The following SUPT20H variants were observed in gnomAD, a reference collection of about 807,000 sequenced individuals.
SUPT20H encodes the protein transcription factor SPT20 homolog.
Under a neutral mutation model 122.8 loss-of-function variants are expected in SUPT20H, and 82 were observed. That is an observed-to-expected ratio of 0.67 (90% confidence interval 0.56 to 0.80). The LOEUF (loss-of-function observed/expected upper bound fraction) is 0.80. SUPT20H is among the 30% of genes least tolerant of loss of function. SUPT20H has a pLI of 0.00. For missense variants in SUPT20H, 831 were observed against 921.6 expected (o/e 0.90, Z 1.27); for synonymous variants, 291 against 313.0 (o/e 0.93, Z 0.74).
intron 5 of SUPT20H, among the ~76,000 whole-genome samples, chr13:37,045,643 A>G (rs2066291304): frequency 6.6e-6 from 1 of 152,182 alleles, no homozygotes; most frequent in Non-Finnish European, 1.5e-5. Flanking sequence ...CTTAAATATA[A>G]AACAAGTACT....
At chr13:37,025,573 C>A in intron 16 of SUPT20H, 136 bp from the exon 17 acceptor site, 1 of 603,510 alleles carries the variant, frequency 1.7e-6, no homozygotes, top group East Asian at 3.0e-5. Context: ...AAAAATTAGG[C>A]AATTTATCTT....
intron 2 of SUPT20H, among the ~76,000 whole-genome samples, chr13:37,050,778 C>A (rs2067511166): frequency 6.6e-6 from 1 of 152,138 alleles, no homozygotes; most frequent in Admixed American, 6.5e-5. Context: ...CACTGTGATA[C>A]TTCTACTTTT....
intron 1 of SUPT20H, among the ~76,000 whole-genome samples, chr13:37,054,043 A>T (rs2068356709): frequency 6.6e-6 from 1 of 152,224 alleles, no homozygotes; most frequent in Non-Finnish European, 1.5e-5. Flanking sequence ...TCCTCGACAC[A>T]TACACCCTCC....
chr13:37,050,800 G>T (rs2067518817), intron 2 of SUPT20H, among the ~76,000 whole-genome samples: 1 of 152,156 alleles, frequency 6.6e-6, no homozygotes, highest in Admixed American at 6.5e-5. Context: ...TCTAATAGGG[G>T]AGGAGTAGAT....
chr13:37,015,316 G>GAA (rs372560347), intron 23 of SUPT20H, among the ~76,000 whole-genome samples: 1 of 138,676 alleles, frequency 7.2e-6, no homozygotes. Context: ...AAATTAATCT[G>GAA]AAAAAAAAAA....
At chr13:37,051,309 A>G (rs573747398) in intron 2 of SUPT20H, among the ~76,000 whole-genome samples, 179 bp downstream of exon 2, 1 of 152,338 alleles carries the variant, frequency 6.6e-6, no homozygotes, top group South Asian at 2.1e-4. Context: ...AACACTGATT[A>G]GTGAGCAATA....
intron 15 of SUPT20H, 32 bp downstream of exon 15, chr13:37,026,758 T>G (rs1186909677): frequency 3.2e-6 from 4 of 1,256,500 alleles, no homozygotes; most frequent in Non-Finnish European, 1.1e-6. Context: ...TGTAATTTCT[T>G]AACAGATTAA....
chr13:37,056,457 C>T (rs1272413175), intron 1 of SUPT20H, among the ~76,000 whole-genome samples: 6 of 152,156 alleles, frequency 3.9e-5, no homozygotes, highest in Non-Finnish European at 1.5e-5. Context: ...GAGTTCATGT[C>T]CTTTGCAGTG....
chr13:37,019,870 T>G (rs1013211853), intron 21 of SUPT20H, among the ~76,000 whole-genome samples: 1 of 152,170 alleles, frequency 6.6e-6, no homozygotes, highest in Non-Finnish European at 1.5e-5. Context: ...CTAAAGAATG[T>G]TGCAATTTGT....
chr13:37,040,785 G>C, intron 7 of SUPT20H, 93 bp from the exon 8 acceptor site: 1 of 953,978 alleles, frequency 1.0e-6, no homozygotes, highest in Non-Finnish European at 1.7e-6. Context: ...TTACATTCAT[G>C]CAACATTTCT....
In SUPT20H at chr13:37,031,641, ATATAC is replaced by A. The variant is rs763625154; in HGVS notation, c.865-23_865-19del. On this transcript the variant is annotated intron_variant, in intron 11 of 25. Coordinates refer to ENST00000350612, the MANE Select transcript of SUPT20H (RefSeq NM_001014286.3). ...TCTACACACTGAAAAATTAAAAACA[ATATAC>A]TGAAAAATTAAAAACAATATAAATA... 51 of 1,555,788 alleles carry A rather than the reference ATATAC, an allele frequency of 3.3e-5. No individual in the cohort carries two copies. The highest frequency in any genetic ancestry group is 4.3e-5 in the Non-Finnish European group (50 of 1,159,614).
intron 1 of SUPT20H, chr13:37,057,000 C>T (rs2069226596): frequency 6.6e-6 from 1 of 152,128 alleles, no homozygotes; most frequent in South Asian, 2.1e-4. Context: ...TGGTGCGTAA[C>T]ATTTGCTCTG....
rs1236239740 is a variant in SUPT20H, at chr13:37,058,603, CAGAATTTACT to C, written c.-94+946_-94+955del. Reference sequence around the variant, plus strand: ...ACAAAGCAAACATTCTGTCTATACACAGAATTTACTAGAACCTGTGAGGAAACTGTAATCA... The same window carrying C: ...ACAAAGCAAACATTCTGTCTATACACAGAACCTGTGAGGAAACTGTAATCA... On this transcript the variant is annotated intron_variant, in intron 1 of 25. Coordinates refer to ENST00000350612, the MANE Select transcript of SUPT20H (RefSeq NM_001014286.3). Among the ~76,000 whole-genome samples, 6 of 152,266 alleles carry C rather than the reference CAGAATTTACT, an allele frequency of 3.9e-5. No individual in the cohort carries two copies. In the East Asian group the frequency reaches 9.6e-4, roughly 24 times the overall value.
chr13:37,032,541 C>G lies in SUPT20H; in HGVS notation c.708-646G>C, dbSNP rs954632288. On this transcript the variant is annotated intron_variant, in intron 10 of 25. Coordinates refer to ENST00000350612, the MANE Select transcript of SUPT20H (RefSeq NM_001014286.3). ...CCTTGCTGAAGCAGAAACCCATTAG[C>G]AGAAACCTCCTCAGGAACCAGTGCC... is the stretch of plus-strand genomic sequence containing the variant. Among the ~76,000 whole-genome samples the G allele has an allele frequency of 4.6e-5, 7 of 152,252 alleles. No individual in the cohort carries two copies. The South Asian group carries it at 1.5e-3, about 32-fold the overall frequency.
At chr13:37,021,971 T>C (rs1292373358) in intron 20 of SUPT20H, 40 bp downstream of exon 20, 2 of 1,522,662 alleles carry the variant, frequency 1.3e-6, no homozygotes, top group East Asian at 2.3e-5. Context: ...GGTGAAACTA[T>C]CTTTATAAAA....
rs556743623 is a variant in SUPT20H, at chr13:37,011,322, C to T, written c.2099-667G>A. On this transcript the variant is annotated intron_variant, in intron 24 of 25. Coordinates refer to ENST00000350612, the MANE Select transcript of SUPT20H (RefSeq NM_001014286.3). The stretch of plus-strand genomic sequence containing the variant: ...CACTAAATTATACTACAGCTATTTT[C>T]GGAAATTCACAATTGGTCTGATAAA... 2.5e-3 allele frequency among the ~76,000 whole-genome samples: 387 copies of T among 152,146 alleles called. 3 individuals carry two copies. The highest frequency in any genetic ancestry group is 8.9e-3 in the African/African-American group (368 of 41,518).
chr13:37,044,986 T>G (rs2066157486), intron 6 of SUPT20H, among the ~76,000 whole-genome samples: 1 of 152,158 alleles, frequency 6.6e-6, no homozygotes, highest in Non-Finnish European at 1.5e-5. Flanking sequence ...GAGATGCTTT[T>G]ATAATTGGAC....
At chr13:37,035,316 A>C (rs1306952209) in intron 9 of SUPT20H, among the ~76,000 whole-genome samples, 2 of 152,208 alleles carry the variant, frequency 1.3e-5, no homozygotes, top group African/African-American at 4.8e-5. Context: ...AAATAGAAAC[A>C]TTAATATGAG....
chr13:37,036,276 T>C (rs1303275430), intron 9 of SUPT20H, among the ~76,000 whole-genome samples: 3 of 152,128 alleles, frequency 2.0e-5, no homozygotes, highest in Non-Finnish European at 2.9e-5. Flanking sequence ...TACAGTACAG[T>C]TGACTCCTGA....
Sources: allele counts gnomAD v4.1 joint callset (sites outside exome capture counted in the v4.1 genomes callset), GRCh38; gene constraint gnomAD v4.1.1; transcripts MANE v1.5; gene names NCBI Gene and HGNC (gene_info 2026-07-23, HGNC 2026-07-21).